PCED1B: variants seen among roughly 807,000 people sequenced by gnomAD.
PCED1B encodes the protein PC-esterase domain containing 1B, also known as PC-esterase domain-containing protein 1B.
For synonymous variants in PCED1B, 251 were observed against 246.1 expected (o/e 1.02, Z -0.19); for missense variants, 573 against 573.9 (o/e 1.00, Z 0.02).
At chr12:47,158,846 TA>T (rs1941280247) in intron 2 of PCED1B, among the ~76,000 whole-genome samples, 1 of 152,188 alleles carries the variant, frequency 6.6e-6, no homozygotes, top group Non-Finnish European at 1.5e-5. Context: ...CCTACTCTGC[TA>T]TTGAACATTA....
At chr12:47,131,135 G>A (rs1043040508) in intron 2 of PCED1B, among the ~76,000 whole-genome samples, 1 of 152,084 alleles carries the variant, frequency 6.6e-6, no homozygotes, top group Non-Finnish European at 1.5e-5. Flanking sequence ...TCTATCACTT[G>A]AGGCATTCCA....
chr12:47,171,074 T>C (rs1347216413), intron 2 of PCED1B, among the ~76,000 whole-genome samples: 1 of 150,742 alleles, frequency 6.6e-6, no homozygotes, highest in Non-Finnish European at 1.5e-5. Flanking sequence ...CCTTTTTTTT[T>C]TTTTTTTTTT....
At chr12:47,169,617 C>T (rs1941654607) in intron 2 of PCED1B, among the ~76,000 whole-genome samples, 1 of 151,890 alleles carries the variant, frequency 6.6e-6, no homozygotes, top group South Asian at 2.1e-4. Context: ...TGAAGTTCTC[C>T]TTGCATTTCT....
chr12:47,124,683 C>G (rs1939817407), intron 2 of PCED1B, among the ~76,000 whole-genome samples: 1 of 151,916 alleles, frequency 6.6e-6, no homozygotes, highest in Admixed American at 6.6e-5. Context: ...TGCTAACCAG[C>G]ACTTGTTATG....
At chr12:47,204,618 T>C (rs1413086120) in intron 2 of PCED1B, among the ~76,000 whole-genome samples, 3 of 152,182 alleles carry the variant, frequency 2.0e-5, no homozygotes, top group East Asian at 3.9e-4. Flanking sequence ...CTGGGTGTTC[T>C]TGAAGTGTGT....
intron 2 of PCED1B, among the ~76,000 whole-genome samples, chr12:47,201,301 AT>A (rs1942756290): frequency 6.6e-6 from 1 of 152,106 alleles, no homozygotes; most frequent in South Asian, 2.1e-4. Context: ...AATCAGACGA[AT>A]TCCTTGGAAT....
chr12:47,110,338 G>A (rs1939137008), intron 2 of PCED1B, among the ~76,000 whole-genome samples: 1 of 152,034 alleles, frequency 6.6e-6, no homozygotes, highest in South Asian at 2.1e-4. Context: ...TCAACAAAGA[G>A]GAAAGCGCAA....
chr12:47,217,479 A>AAAGAAGAAAGAAG (rs1943316018), intron 3 of PCED1B, among the ~76,000 whole-genome samples: 1 of 110,242 alleles, frequency 9.1e-6, no homozygotes, highest in Non-Finnish European at 1.9e-5. Context: ...AGAGAAAGAA[A>AAAGAAGAAAGAAG]GAAAGAAAGA....
chr12:47,194,213 C>T (rs1052801976), intron 2 of PCED1B, among the ~76,000 whole-genome samples: 2 of 152,178 alleles, frequency 1.3e-5, no homozygotes, highest in East Asian at 1.9e-4. Context: ...CTCACTCTGT[C>T]GCCCAGGCTG....
chr12:47,219,963 C>T (rs1388061820), intron 3 of PCED1B, among the ~76,000 whole-genome samples: 1 of 151,124 alleles, frequency 6.6e-6, no homozygotes, highest in Non-Finnish European at 1.5e-5. Flanking sequence ...GTCCCAACTA[C>T]CTAGGAGGCT....
At position 47,218,026 on chromosome 12, in the gene PCED1B, C is replaced by T. The variant is rs563476742; in HGVS notation, c.-58+1337C>T. Among the ~76,000 whole-genome samples, 7 of 152,290 alleles carry T rather than the reference C, an allele frequency of 4.6e-5. No homozygotes were observed. In the South Asian group the frequency reaches 1.2e-3, roughly 27 times the overall value. ...CTGGAAATCTCCCTTAACCACTAAG[C>T]CCACTTTCCAGATATGCTAAGGTGG... is the stretch of plus-strand genomic sequence containing the variant. On this transcript the variant is annotated intron_variant, in intron 3 of 3. Coordinates refer to ENST00000546455, the MANE Select transcript of PCED1B (RefSeq NM_138371.3).
intron 3 of PCED1B, among the ~76,000 whole-genome samples, chr12:47,227,587 T>G (rs2137874180): frequency 6.6e-6 from 1 of 151,998 alleles, no homozygotes; most frequent in East Asian, 2.0e-4. Flanking sequence ...GGCACAGTGG[T>G]TCACGCCTGT....
At chr12:47,219,395 T>C (rs1943404118) in intron 3 of PCED1B, among the ~76,000 whole-genome samples, 1 of 152,224 alleles carries the variant, frequency 6.6e-6, no homozygotes, top group Non-Finnish European at 1.5e-5. Flanking sequence ...CAACCCTAGA[T>C]TCCTGTTACT....
chr12:47,101,845 C>T (rs1938720750), intron 1 of PCED1B, among the ~76,000 whole-genome samples: 1 of 151,910 alleles, frequency 6.6e-6, no homozygotes, highest in Non-Finnish European at 1.5e-5. Flanking sequence ...ACCGGGGAAG[C>T]TGAGGCAGGA....
At chr12:47,197,360 A>C (rs1942637838) in intron 2 of PCED1B, among the ~76,000 whole-genome samples, 1 of 151,718 alleles carries the variant, frequency 6.6e-6, no homozygotes, top group South Asian at 2.1e-4. Flanking sequence ...TAATCCCAGC[A>C]CTTTGGGAGG....
intron 2 of PCED1B, among the ~76,000 whole-genome samples, chr12:47,122,603 T>C (rs955980104): frequency 2.6e-5 from 4 of 152,244 alleles, no homozygotes; most frequent in African/African-American, 9.6e-5. Flanking sequence ...TTCAACTCTT[T>C]ACTCTTAGCC....
chr12:47,217,825 T>C (rs1943348695), intron 3 of PCED1B, among the ~76,000 whole-genome samples: 1 of 152,128 alleles, frequency 6.6e-6, no homozygotes, highest in Non-Finnish European at 1.5e-5. Context: ...GATCCGACCG[T>C]CTTGGCCTCC....
At chr12:47,137,363 C>G (rs1592188526) in intron 2 of PCED1B, among the ~76,000 whole-genome samples, 1 of 152,090 alleles carries the variant, frequency 6.6e-6, no homozygotes, top group African/African-American at 2.4e-5. Context: ...CCAAGGCAAT[C>G]CTTTGCAAAA....
At chr12:47,128,610 C>A (rs896263314) in intron 2 of PCED1B, among the ~76,000 whole-genome samples, 2 of 152,136 alleles carry the variant, frequency 1.3e-5, no homozygotes, top group Admixed American at 1.3e-4. Flanking sequence ...GTCTAGAGAA[C>A]AGTTTGAAAA....
Sources: gnomAD v4.1 joint callset for allele counts (sites outside exome capture counted in the v4.1 genomes callset) on GRCh38, gnomAD v4.1.1 for gene constraint, MANE v1.5 for transcripts, NCBI Gene and HGNC (gene_info 2026-07-23, HGNC 2026-07-21) for gene names.